The following SPATA31C1 variants were observed in gnomAD, a reference collection of about 807,000 sequenced individuals.
SPATA31C1 encodes SPATA31 subfamily C member 1.
rs200259141 is a variant in SPATA31C1 at position 87,920,743 on chromosome 9, T to C, written n.1133T>C. On this transcript the variant is annotated non_coding_transcript_exon_variant, in exon 5 of 5. Coordinates refer to ENST00000420021, the Ensembl canonical transcript of SPATA31C1. ...GATTTGGCGGCTTCTGTCCCAGCCA[T>C]CTCAGGCCTTGGCGGCTCAAACAGT... 1,189 of 1,613,960 alleles carry C rather than the reference T, an allele frequency of 7.4e-4. 4 individuals carry two copies. The highest frequency in any genetic ancestry group is 2.4e-3 in the Admixed American group (146 of 60,010).
At chr9:87,921,698 G>A (rs1338835771) in exon 5 of SPATA31C1, 14 of 1,612,052 alleles carry the variant, frequency 8.7e-6, no homozygotes, top group South Asian at 2.2e-5. Flanking sequence ...ACGAGGGCTT[G>A]ATCCCCGTGA....
chr9:87,923,218 A>G lies in SPATA31C1; in HGVS notation n.3608A>G, dbSNP rs757469374. On this transcript the variant is annotated non_coding_transcript_exon_variant, in exon 5 of 5. Transcript: ENST00000420021. ...TGTGGGTTTCCCTGCAACCACAGACACCCGTTCTACTCAGACCACAGCAGA... is the reference window on the plus strand; with the variant it reads ...TGTGGGTTTCCCTGCAACCACAGACGCCCGTTCTACTCAGACCACAGCAGA... 10 of 1,603,274 alleles carry G rather than the reference A, an allele frequency of 6.2e-6. No homozygotes were observed. In the South Asian group the frequency reaches 1.1e-4, roughly 18 times the overall value.
exon 5 of SPATA31C1, chr9:87,920,872 T>G: frequency 6.2e-7 from 1 of 1,613,402 alleles, no homozygotes; most frequent in Non-Finnish European, 8.5e-7. Flanking sequence ...GACACCACAA[T>G]GTCCCCACTG....
At chr9:87,916,041 G>A (rs1197152001) in intron 1 of SPATA31C1, among the ~76,000 whole-genome samples, 4 of 143,032 alleles carry the variant, frequency 2.8e-5, no homozygotes, top group Non-Finnish European at 6.2e-5. Flanking sequence ...GTTTCCCTCT[G>A]AATAGAAATT....
In SPATA31C1 at chr9:87,923,196, G is replaced by T. The variant is rs764060754; in HGVS notation, n.3586G>T. 4 of 1,603,270 alleles carry T rather than the reference G, an allele frequency of 2.5e-6. No individual in the cohort carries two copies. The South Asian group carries it at 4.4e-5, about 18-fold the overall frequency. ...ACAGCAGTTTCAAGCCCCAGTCTGT[G>T]GGTTTCCCTGCAACCACAGACACCC... On this transcript the variant is annotated non_coding_transcript_exon_variant, in exon 5 of 5. Transcript: ENST00000420021.
intron 2 of SPATA31C1, chr9:87,918,922 G>A (rs1441642699): frequency 9.3e-5 from 33 of 355,442 alleles, no homozygotes; most frequent in South Asian, 5.5e-4. Context: ...ACAGGCGCCC[G>A]CCACCACGCC....
At chr9:87,922,548 G>A in exon 5 of SPATA31C1, 6 of 1,610,596 alleles carry the variant, frequency 3.7e-6, no homozygotes, top group Non-Finnish European at 5.1e-6. Context: ...TCAAGTTTCT[G>A]CCGCTGTTGT....
In SPATA31C1 at chr9:87,917,424, T is replaced by TA. The variant is rs1007035352; in HGVS notation, n.190-415dup. The TA allele has an allele frequency of 3.6e-4, 39 of 108,398 alleles. No individual in the cohort carries two copies. The East Asian group carries it at 7.1e-3, about 20-fold the overall frequency. The allele number at this position is 108,398 out of a possible 1,614,324, so 6.7% of individuals were successfully genotyped here. On this transcript the variant is annotated intron_variant and non_coding_transcript_variant, in intron 1 of 4. Transcript: ENST00000420021. ...AGAGAGGGACTCCGTCTCAAAAAAA[T>TA]AAAAAAAATAAAAAAAAAGGAAAGT...
upstream of SPATA31C1, among the ~76,000 whole-genome samples, chr9:87,914,029 AAAT>A (rs1388798330): frequency 1.0e-4 from 4 of 38,996 alleles, no homozygotes; most frequent in African/African-American, 1.9e-4. Context: ...TTGCAAAACT[AAAT>A]AAGAGTAAAA....
chr9:87,922,640 G>C, exon 5 of SPATA31C1: 1 of 1,608,820 alleles, frequency 6.2e-7, no homozygotes, highest in South Asian at 1.1e-5. Flanking sequence ...GCCATCTCCA[G>C]AGCACGCCTA....
chr9:87,919,550 G>GTCT (rs1828793828), intron 3 of SPATA31C1, among the ~76,000 whole-genome samples: 1 of 96,094 alleles, frequency 1.0e-5, no homozygotes, highest in South Asian at 4.5e-4. Flanking sequence ...AGGGGGCAGT[G>GTCT]TGTGTGTCCT....
chr9:87,922,560 C>T, exon 5 of SPATA31C1: 1 of 1,610,234 alleles, frequency 6.2e-7, no homozygotes, highest in South Asian at 1.1e-5. Context: ...CGCTGTTGTG[C>T]TCCTTCCAGA....
At chr9:87,923,268 C>T (rs767963781) in exon 5 of SPATA31C1, 2 of 1,603,644 alleles carry the variant, frequency 1.2e-6, no homozygotes, top group South Asian at 2.2e-5. Flanking sequence ...AGCCAGCAGT[C>T]AACAAGCCAC....
At chr9:87,919,392 T>C (rs755690309) in intron 3 of SPATA31C1, 44 bp downstream of exon 2, 2 of 1,598,930 alleles carry the variant, frequency 1.3e-6, no homozygotes, top group Non-Finnish European at 1.7e-6. Flanking sequence ...TGATCTCATC[T>C]GTCCGGGAGG....
chr9:87,921,312 A>T lies in SPATA31C1; in HGVS notation n.1702A>T, dbSNP rs763942213. On this transcript the variant is annotated non_coding_transcript_exon_variant, in exon 5 of 5. Transcript: ENST00000420021. ...GCAATACATGGGGCAACGTGGAAGG[A>T]TCCAAGAGTCTCTGGATCTGATGCA... 97 of 1,611,884 alleles carry T rather than the reference A, an allele frequency of 6.0e-5. No individual in the cohort carries two copies. In the East Asian group the frequency reaches 2.1e-3, roughly 35 times the overall value.
intron 1 of SPATA31C1, among the ~76,000 whole-genome samples, chr9:87,916,006 T>A (rs965339000): frequency 1.4e-5 from 2 of 142,166 alleles, no homozygotes; most frequent in Admixed American, 7.0e-5. Context: ...GGTCTTGCAG[T>A]AATCTCCAGT....
intron 1 of SPATA31C1, among the ~76,000 whole-genome samples, chr9:87,916,246 C>A: frequency 8.2e-6 from 1 of 122,232 alleles, no homozygotes; most frequent in Non-Finnish European, 1.7e-5. Flanking sequence ...AGGAAGACTC[C>A]ATCTCAAAAA....
At chr9:87,919,022 G>A (rs529617) in intron 2 of SPATA31C1, 66 of 534,438 alleles carry the variant, frequency 1.2e-4, no homozygotes, top group African/African-American at 7.2e-4. Flanking sequence ...CACCTGCCTC[G>A]GCCTCCCAAA....
At chr9:87,921,663 A>G in exon 5 of SPATA31C1, 1 of 1,612,026 alleles carries the variant, frequency 6.2e-7, no homozygotes, top group Middle Eastern at 2.3e-4. Flanking sequence ...GAAAGCCCAC[A>G]TGGGCAGAAA....
Sources: allele counts gnomAD v4.1 joint callset (sites outside exome capture counted in the v4.1 genomes callset), GRCh38; gene constraint gnomAD v4.1.1; transcripts MANE v1.5; gene names NCBI Gene and HGNC (gene_info 2026-07-23, HGNC 2026-07-21).